ALAS1: variants seen among roughly 807,000 people sequenced by gnomAD.
ALAS1 encodes 5'-aminolevulinate synthase 1.
A neutral mutation model predicts 59.6 loss-of-function variants in ALAS1; 29 were observed. The ratio of observed to expected loss-of-function variants is 0.49; its 90% CI spans 0.36 to 0.66. ALAS1 has a LOEUF of 0.66. ALAS1 is among the 30% of genes least tolerant of loss of function. The pLI, the probability that ALAS1 is intolerant of heterozygous loss-of-function variation, is 0.00. For synonymous variants in ALAS1, 299 were observed against 296.6 expected (o/e 1.01, Z -0.08); for missense variants, 690 against 807.5 (o/e 0.85, Z 1.76).
chr3:52,203,672 C>T (rs1450132665), intron 4 of ALAS1, among the ~76,000 whole-genome samples, 191 bp from the exon 5 acceptor site: 1 of 152,174 alleles, frequency 6.6e-6, no homozygotes, highest in African/African-American at 2.4e-5. Context: ...CTGAAAACAA[C>T]ACCAAGAGTC....
At chr3:52,209,984 C>T (rs1699372745) in intron 9 of ALAS1, among the ~76,000 whole-genome samples, 2 of 152,140 alleles carry the variant, frequency 1.3e-5, no homozygotes. Context: ...CTGGCCTCTT[C>T]TGGAGTTTTT....
upstream of ALAS1, chr3:52,198,091 G>A (rs1007129388): frequency 5.0e-6 from 2 of 397,806 alleles, no homozygotes; most frequent in Admixed American, 4.4e-5. Flanking sequence ...CGCAGAAGAA[G>A]GCAGCGCCCA....
intron 9 of ALAS1, among the ~76,000 whole-genome samples, chr3:52,210,649 G>T (rs561951108): frequency 6.6e-6 from 1 of 152,088 alleles, no homozygotes; most frequent in African/African-American, 2.4e-5. Context: ...AGGCATGGTG[G>T]TGTACACCTG....
At chr3:52,207,946 A>G (rs944362399) in intron 8 of ALAS1, 137 bp from the exon 9 acceptor site, 5 of 981,780 alleles carry the variant, frequency 5.1e-6, no homozygotes, top group African/African-American at 5.1e-5. Flanking sequence ...TAACCTAGAA[A>G]TTAGAGGAAG....
In ALAS1 at chr3:52,199,160, C is replaced by CAGTG. The variant is rs1577959094; in HGVS notation, c.-32-48_-32-45dup. The CAGTG allele has an allele frequency of 7.7e-6, 12 of 1,567,102 alleles. No homozygotes were observed. The East Asian group carries it at 2.7e-4, about 35-fold the overall frequency. ...TTGACACCTGAATCCAGTGAGCTTGCAGTGATATTTGCCTGATTATTAACA... is the reference window on the plus strand; with the variant it reads ...TTGACACCTGAATCCAGTGAGCTTGCAGTGAGTGATATTTGCCTGATTATTAACA... On this transcript the variant is annotated intron_variant, in intron 2 of 11. Transcript: ENST00000484952.
At chr3:52,205,370 C>A (rs1699272855) in intron 6 of ALAS1, among the ~76,000 whole-genome samples, 1 of 152,196 alleles carries the variant, frequency 6.6e-6, no homozygotes, top group Admixed American at 6.5e-5. Context: ...GAGAGAGTTG[C>A]TGGCCAGATT....
At chr3:52,211,242 T>G (rs1190027088) in intron 9 of ALAS1, 41 bp from the exon 10 acceptor site, 1 of 1,602,576 alleles carries the variant, frequency 6.2e-7, no homozygotes, top group East Asian at 2.2e-5. Context: ...TTAGAGCAAT[T>G]TACAGCTGTT....
chr3:52,202,414 T>C, intron 3 of ALAS1, 93 bp from the exon 4 acceptor site: 1 of 1,023,318 alleles, frequency 9.8e-7, no homozygotes, highest in South Asian at 1.4e-5. Context: ...GTATTAAGTT[T>C]ATCTTTGAGG....
At chr3:52,209,929 C>G (rs950053235) in intron 9 of ALAS1, among the ~76,000 whole-genome samples, 46 of 152,296 alleles carry the variant, frequency 3.0e-4, no homozygotes, top group Middle Eastern at 3.4e-3. Flanking sequence ...ATTTGCCCCC[C>G]TCGGCCTCCC....
At chr3:52,201,083 A>T (rs1470371453) in intron 3 of ALAS1, among the ~76,000 whole-genome samples, 1 of 152,232 alleles carries the variant, frequency 6.6e-6, no homozygotes, top group Non-Finnish European at 1.5e-5. Context: ...CTTCCGTTAT[A>T]GAAGATTTTA....
chr3:52,201,829 G>A (rs1699191551), intron 3 of ALAS1, among the ~76,000 whole-genome samples: 1 of 152,194 alleles, frequency 6.6e-6, no homozygotes, highest in Admixed American at 6.5e-5. Context: ...TACAGAGTGT[G>A]TCCTCTCATA....
chr3:52,212,515 T>C (rs1369201100), intron 11 of ALAS1, 95 bp downstream of exon 11: 1 of 1,491,516 alleles, frequency 6.7e-7, no homozygotes, highest in African/African-American at 1.4e-5. Flanking sequence ...GGCATTCAGA[T>C]TTGTTTCTTC....
intron 7 of ALAS1, 100 bp downstream of exon 7, chr3:52,206,123 A>G: frequency 1.8e-6 from 2 of 1,133,268 alleles, no homozygotes; most frequent in Non-Finnish European, 2.5e-6. Context: ...TCTCAATTGA[A>G]AATCATAATC....
intron 4 of ALAS1, 97 bp from the exon 5 acceptor site, chr3:52,203,766 A>G: frequency 7.1e-7 from 1 of 1,411,910 alleles, no homozygotes; most frequent in Non-Finnish European, 9.5e-7. Flanking sequence ...TTTTTTGTGA[A>G]CTAGGCCATA....
chr3:52,208,607 G>A (rs1245350222), intron 9 of ALAS1, among the ~76,000 whole-genome samples: 1 of 152,192 alleles, frequency 6.6e-6, no homozygotes. Flanking sequence ...GCACTTGTTA[G>A]GTTCAGGTGT....
intron 3 of ALAS1, among the ~76,000 whole-genome samples, chr3:52,202,121 AG>A (rs1699198577): frequency 6.6e-6 from 1 of 152,196 alleles, no homozygotes; most frequent in Admixed American, 6.5e-5. Context: ...AGGCCAAGGC[AG>A]GTGGATAACC....
At chr3:52,208,341 C>CT in intron 9 of ALAS1, 94 bp downstream of exon 9, 1 of 1,408,406 alleles carries the variant, frequency 7.1e-7, no homozygotes, top group Non-Finnish European at 9.8e-7. Context: ...AGGAGACAGC[C>CT]TGACAGCATA....
At chr3:52,209,101 G>A (rs915632135) in intron 9 of ALAS1, among the ~76,000 whole-genome samples, 1 of 152,246 alleles carries the variant, frequency 6.6e-6, no homozygotes, top group African/African-American at 2.4e-5. Context: ...CTGTCAAGGG[G>A]TATGAGAACC....
At chr3:52,199,035 A>G (rs78520106) in intron 2 of ALAS1, among the ~76,000 whole-genome samples, 175 bp from the exon 3 acceptor site, 65 of 152,306 alleles carry the variant, frequency 4.3e-4, no homozygotes, top group Middle Eastern at 6.8e-3. Flanking sequence ...TGACCCGGGT[A>G]AAGTGTGGTC....
Sources: gnomAD v4.1 joint callset for allele counts (sites outside exome capture counted in the v4.1 genomes callset) on GRCh38, gnomAD v4.1.1 for gene constraint, MANE v1.5 for transcripts, NCBI Gene and HGNC (gene_info 2026-07-23, HGNC 2026-07-21) for gene names.